Variants in DDRGK1 observed in about 807,000 individuals in gnomAD.
The protein encoded by DDRGK1 is DDRGK domain containing 1, also known as DDRGK domain-containing protein 1.
A neutral mutation model predicts 45.8 loss-of-function variants in DDRGK1; 38 were observed. The observed-to-expected ratio is 0.83, with a 90% CI of 0.64 to 1.09. The LOEUF (loss-of-function observed/expected upper bound fraction) is 1.09, where lower values mean the gene tolerates loss of function less well. Ranked by LOEUF, DDRGK1 falls within the 50% of genes least tolerant of loss-of-function variation. The pLI, the probability that DDRGK1 is intolerant of heterozygous loss-of-function variation, is 0.00. For synonymous variants in DDRGK1, 171 were observed against 168.7 expected (o/e 1.01, Z -0.11); for missense variants, 403 against 419.9 (o/e 0.96, Z 0.35).
rs1054260017 is a variant in DDRGK1, at chr20:3,202,863, C to G, written c.295+350G>C. Among the ~76,000 whole-genome samples, 25 of 152,352 alleles carry G rather than the reference C, an allele frequency of 1.6e-4. No individual in the cohort carries two copies. The South Asian group carries it at 2.9e-3, about 18-fold the overall frequency. ...GTTGTGGGTGACCCCACTCCAGGAACTGCAGAAACTCTTGGCCAGGCACTC... is the reference window on the plus strand; with the variant it reads ...GTTGTGGGTGACCCCACTCCAGGAAGTGCAGAAACTCTTGGCCAGGCACTC... On this transcript the variant is annotated intron_variant, in intron 2 of 8. Transcript: ENST00000354488.
intron 4 of DDRGK1, among the ~76,000 whole-genome samples, chr20:3,195,719 C>A (rs1395152325): frequency 6.6e-6 from 1 of 152,088 alleles, no homozygotes; most frequent in African/African-American, 2.4e-5. Context: ...CATGTCCACA[C>A]CTCATAAGCA....
chr20:3,196,686 C>T (rs764248443), intron 4 of DDRGK1, among the ~76,000 whole-genome samples: 1 of 151,434 alleles, frequency 6.6e-6, no homozygotes, highest in Non-Finnish European at 1.5e-5. Context: ...ATCTCAAAAA[C>T]AAAAACAAGA....
chr20:3,200,892 C>T (rs887596987), intron 2 of DDRGK1, among the ~76,000 whole-genome samples: 5 of 152,274 alleles, frequency 3.3e-5, no homozygotes, highest in East Asian at 3.9e-4. Context: ...GGGCGGATCA[C>T]GAGGTTAGGA....
At chr20:3,201,952 A>G (rs1378159564) in intron 2 of DDRGK1, among the ~76,000 whole-genome samples, 7 of 148,976 alleles carry the variant, frequency 4.7e-5, no homozygotes, top group Non-Finnish European at 1.5e-5. Context: ...GTGAGCCACC[A>G]TGCCCAGCCC....
chr20:3,191,568 T>A, intron 7 of DDRGK1, 197 bp downstream of exon 7: 1 of 793,098 alleles, frequency 1.3e-6, no homozygotes, highest in South Asian at 1.5e-5. Context: ...GGGTTTGGGT[T>A]TTTTTTTTCT....
intron 4 of DDRGK1, among the ~76,000 whole-genome samples, chr20:3,198,979 C>CAAAAA (rs386393118): frequency 0.14 from 15,745 of 114,826 alleles, 1,396 homozygotes; most frequent in African/African-American, 0.17. Context: ...CAATCTCTAC[C>CAAAAA]AAAAAAAAAA....
chr20:3,200,510 A>AGGGGT, intron 2 of DDRGK1, 56 bp from the exon 3 acceptor site: 1 of 1,480,580 alleles, frequency 6.8e-7, no homozygotes, highest in Non-Finnish European at 9.2e-7. Context: ...ACTGATGACG[A>AGGGGT]TGGATCCCCA....
chr20:3,198,177 G>A (rs1174658575), intron 4 of DDRGK1, among the ~76,000 whole-genome samples: 5 of 150,982 alleles, frequency 3.3e-5, no homozygotes, highest in Non-Finnish European at 1.5e-5. Flanking sequence ...GGAAGCCAAG[G>A]CAGGAGGATC....
rs2067029164 is a variant in DDRGK1 at position 3,200,065 on chromosome 20, T to G, written c.446A>C (p.Glu149Ala). 1 of 1,613,824 alleles carries G rather than the reference T, an allele frequency of 6.2e-7. No homozygotes were observed. The highest frequency in any genetic ancestry group is 8.5e-7 in the Non-Finnish European group (1 of 1,180,000). The change falls in exon 4 of 9, where the codon GAG (glutamate) becomes GCG (alanine). Residue 149 changes from glutamate (E) to alanine (A), a missense_variant. Transcript: ENST00000354488. ...CTTCCACTCAGCTTCGCGCTGGGAC[T>G]CGAGTCGTTTCCGCTCCTCACGTTC... ...EAEREERKRL[E>A]SQREAEWKKE...
intron 6 of DDRGK1, among the ~76,000 whole-genome samples, chr20:3,192,618 G>A (rs576725943): frequency 6.6e-6 from 1 of 152,184 alleles, no homozygotes; most frequent in African/African-American, 2.4e-5. Context: ...GCACAGCCAC[G>A]TTCTGTGCTC....
intron 4 of DDRGK1, among the ~76,000 whole-genome samples, chr20:3,196,386 A>G (rs2122233521): frequency 6.6e-6 from 1 of 152,304 alleles, no homozygotes; most frequent in Middle Eastern, 3.4e-3. Context: ...AAATTTTTAA[A>G]TGGAAAGCTA....
chr20:3,193,196 C>T (rs1307094681), intron 6 of DDRGK1, among the ~76,000 whole-genome samples: 1 of 152,176 alleles, frequency 6.6e-6, no homozygotes, highest in African/African-American at 2.4e-5. Flanking sequence ...GAACCCTACA[C>T]CTCTCATAAA....
In DDRGK1 at chr20:3,203,260, A is replaced by G; in HGVS notation, c.248T>C (p.Val83Ala). The G allele has an allele frequency of 6.2e-7, 1 of 1,604,558 alleles. No individual in the cohort carries two copies. The highest frequency in any genetic ancestry group is 8.5e-7 in the Non-Finnish European group (1 of 1,174,766). The change falls in exon 2 of 9, where the codon GTG (valine) becomes GCG (alanine). Residue 83 changes from valine (V) to alanine (A), a missense_variant. Physicochemically the swap from Val to Ala is moderately conservative, Grantham distance 64 (BLOSUM62 0). Coordinates refer to ENST00000354488, the MANE Select transcript of DDRGK1 (RefSeq NM_023935.3). ...GTTCTCATCTGCTTCTGCCCAGGCC[A>G]CCCGCTGGGCTCGACGCTGGGCCTG... Reference protein sequence around the residue: ...RLQAQRRAQRVAWAEADENEE... With the variant: ...RLQAQRRAQRAAWAEADENEE...
rs765518224 is a variant in DDRGK1 at position 3,203,370 on chromosome 20, C to T, written c.138G>A (p.Arg46=). Residue 46 remains arginine, a synonymous_variant, in exon 2 of 9, where the codon CGG becomes CGA. Coordinates refer to ENST00000354488, the MANE Select transcript of DDRGK1 (RefSeq NM_023935.3). ...LHNEELAGAG[R]VAQPGPLEPE... ...GCTCCAGGGGCCCAGGCTGGGCCAC[C>T]CGGCCTGCTCCTGCCAGCTCCTCAT... The T allele has an allele frequency of 1.6e-5, 25 of 1,605,742 alleles. No individual in the cohort carries two copies. The highest frequency in any genetic ancestry group is 2.1e-5 in the Non-Finnish European group (25 of 1,175,966).
chr20:3,199,649 C>A (rs2067027061), intron 4 of DDRGK1, among the ~76,000 whole-genome samples: 1 of 152,214 alleles, frequency 6.6e-6, no homozygotes, highest in African/African-American at 2.4e-5. Flanking sequence ...CCATCTCTTA[C>A]AATGATCTTC....
At chr20:3,191,939 G>C in intron 6 of DDRGK1, 118 bp from the exon 7 acceptor site, 5 of 850,954 alleles carry the variant, frequency 5.9e-6, no homozygotes, top group Non-Finnish European at 9.0e-6. Context: ...GAAAAACACT[G>C]TACACACTCC....
rs539075197 is a variant in DDRGK1, at chr20:3,190,478, G to A, written c.*175C>T. The A allele has an allele frequency of 6.6e-6, 5 of 762,756 alleles. No individual in the cohort carries two copies. Among genetic ancestry groups the A allele is most frequent in the African/African-American group, 5.2e-5 (3 of 57,294 alleles). 47.2% of individuals were successfully genotyped at this position (762,756 alleles called of 1,614,324 possible). The stretch of plus-strand genomic sequence containing the variant: ...GCCTAAATTTCACCTGCTTATCTAG[G>A]ATCCTAGGCCAGGCCTTCTGCCACA... On this transcript the variant is annotated 3_prime_UTR_variant, in exon 9 of 9. Coordinates refer to ENST00000354488, the MANE Select transcript of DDRGK1 (RefSeq NM_023935.3).
chr20:3,200,538 T>G (rs2067032354), intron 2 of DDRGK1, 84 bp from the exon 3 acceptor site: 1 of 1,249,314 alleles, frequency 8.0e-7, no homozygotes. Flanking sequence ...GTCCCTCCCC[T>G]AACAGGGGGA....
At chr20:3,197,930 A>AG (rs1367844380) in intron 4 of DDRGK1, among the ~76,000 whole-genome samples, 1 of 151,048 alleles carries the variant, frequency 6.6e-6, no homozygotes, top group East Asian at 2.0e-4. Context: ...TCAAAAAAAA[A>AG]AAAAAAAAAG....
Sources: allele counts gnomAD v4.1 joint callset (sites outside exome capture counted in the v4.1 genomes callset), GRCh38; gene constraint gnomAD v4.1.1; transcripts MANE v1.5; gene names NCBI Gene and HGNC (gene_info 2026-07-23, HGNC 2026-07-21).